Variants in MLC1 observed in about 807,000 individuals in gnomAD.
MLC1 encodes the protein modulator of VRAC current 1.
Under a neutral mutation model 44.7 loss-of-function variants are expected in MLC1, and 32 were observed. The ratio of observed to expected loss-of-function variants is 0.72; its 90% CI spans 0.54 to 0.96. MLC1 has a LOEUF of 0.96. Ranked by LOEUF, MLC1 falls within the 40% of genes least tolerant of loss-of-function variation. The probability of loss-of-function intolerance (pLI) is 0.00; values close to 1 mark genes in which losing one functional copy is unlikely to be tolerated. For synonymous variants in MLC1, 190 were observed against 213.0 expected (o/e 0.89, Z 0.94); for missense variants, 459 against 492.2 (o/e 0.93, Z 0.64).
At chr22:50,079,897 G>C (rs372353768) in intron 5 of MLC1, 21 bp downstream of exon 5, 1 of 1,560,854 alleles carries the variant, frequency 6.4e-7, no homozygotes, top group Non-Finnish European at 8.8e-7. Context: ...AGGCGTCTGC[G>C]CGAAGCTCGT....
At chr22:50,073,752 A>T (rs1341136873) in intron 8 of MLC1, among the ~76,000 whole-genome samples, 1 of 152,142 alleles carries the variant, frequency 6.6e-6, no homozygotes, top group African/African-American at 2.4e-5. Context: ...ATAAATAAAT[A>T]AAATAAATAA....
At chr22:50,074,384 A>G (rs1263294931) in intron 7 of MLC1, 52 bp from the exon 8 acceptor site, 4 of 1,442,316 alleles carry the variant, frequency 2.8e-6, no homozygotes, top group South Asian at 1.1e-5. Flanking sequence ...ACACCCCCAG[A>G]TTCCCAGAAT....
At chr22:50,062,280 CCCAGCCGTCCAT>C in intron 11 of MLC1, among the ~76,000 whole-genome samples, 1 of 141,006 alleles carries the variant, frequency 7.1e-6, no homozygotes, top group Non-Finnish European at 1.6e-5. Flanking sequence ...CACCTTGAGC[CCCAGCCGTCCAT>C]CCTGAGCCCC....
intron 10 of MLC1, among the ~76,000 whole-genome samples, chr22:50,065,212 C>G (rs58697581): frequency 0.062 from 9,420 of 152,210 alleles, 975 homozygotes; most frequent in African/African-American, 0.21. Context: ...TGCCACTACG[C>G]CCGGCCTGGA....
In MLC1 at chr22:50,061,600, C is replaced by G; in HGVS notation, c.1117G>C (p.Val373Leu). Residue 373 changes from valine to leucine, a missense_variant, in exon 12 of 12, where the codon GTG becomes CTG. Val to Leu is a conservative substitution (Grantham distance 32). Coordinates refer to ENST00000311597, the MANE Select transcript of MLC1 (RefSeq NM_015166.4). ...DKEKAWRAVV[V>L]QMAQ ...TCTGGGGGTCACTGGGCCATTTGCA[C>G]CACGACGGCTCTCCAGGCTTTCTCC... is the stretch of plus-strand genomic sequence containing the variant. 6.2e-7 allele frequency: 1 copy of G among 1,613,848 alleles called. No individual in the cohort carries two copies. Among genetic ancestry groups the G allele is most frequent in the Non-Finnish European group, 8.5e-7 (1 of 1,180,002 alleles).
At chr22:50,080,996 A>C (rs2062108194) in intron 3 of MLC1, among the ~76,000 whole-genome samples, 1 of 151,174 alleles carries the variant, frequency 6.6e-6, no homozygotes, top group South Asian at 2.1e-4. Context: ...ATAGAGTGAG[A>C]CCTTGTCTCA....
intron 6 of MLC1, 117 bp from the exon 7 acceptor site, chr22:50,077,029 CGCCT>C: frequency 9.7e-7 from 1 of 1,031,404 alleles, no homozygotes; most frequent in South Asian, 1.3e-5. Flanking sequence ...GATGCGAGAC[CGCCT>C]TGGAGGCGCC....
At chr22:50,065,464 C>T (rs1435635970) in intron 10 of MLC1, among the ~76,000 whole-genome samples, 1 of 151,990 alleles carries the variant, frequency 6.6e-6, no homozygotes, top group Non-Finnish European at 1.5e-5. Flanking sequence ...ACAAGCAGAA[C>T]AAGAAATAGC....
At chr22:50,069,583 T>C (rs897422444) in intron 9 of MLC1, among the ~76,000 whole-genome samples, 1 of 151,280 alleles carries the variant, frequency 6.6e-6, no homozygotes, top group Non-Finnish European at 1.5e-5. Context: ...GAGGCAGAGG[T>C]TACAATGAGC....
chr22:50,074,607 C>CCTGA, intron 7 of MLC1: 1 of 458,934 alleles, frequency 2.2e-6, no homozygotes, highest in East Asian at 4.3e-5. Flanking sequence ...AGGGTATTGA[C>CCTGA]CTGACAGTGG....
intron 11 of MLC1, 103 bp from the exon 12 acceptor site, chr22:50,061,760 A>G: frequency 9.2e-7 from 1 of 1,091,528 alleles, no homozygotes; most frequent in Non-Finnish European, 1.4e-6. Context: ...AGCGTTCAGA[A>G]GTTTTCTTCG....
rs1002338403 is a variant in MLC1, at chr22:50,076,984, G to A, written c.526-72C>T. On this transcript the variant is annotated intron_variant, in intron 6 of 11. Transcript: ENST00000311597. Reference sequence around the variant, plus strand: ...TCAGCACTGCCGCTGGCATCCGGCCGCCGTGGGCAGTGGGTCAGGTCAGCC... The same window carrying A: ...TCAGCACTGCCGCTGGCATCCGGCCACCGTGGGCAGTGGGTCAGGTCAGCC... 4.8e-5 allele frequency: 74 copies of A among 1,550,852 alleles called. 1 individual carries two copies. The Middle Eastern group carries it at 1.2e-3, about 26-fold the overall frequency.
chr22:50,068,400 G>A, intron 10 of MLC1, 33 bp downstream of exon 10: 1 of 1,610,394 alleles, frequency 6.2e-7, no homozygotes, highest in Non-Finnish European at 8.5e-7. Context: ...AGCACCACAT[G>A]TCTGGGGGGC....
At chr22:50,077,767 C>G (rs2062020346) in intron 5 of MLC1, among the ~76,000 whole-genome samples, 1 of 152,210 alleles carries the variant, frequency 6.6e-6, no homozygotes, top group Non-Finnish European at 1.5e-5. Flanking sequence ...GCCTTGGGCT[C>G]TGGTCTACCG....
At chr22:50,069,892 T>C (rs569028267) in intron 9 of MLC1, among the ~76,000 whole-genome samples, 188 of 151,886 alleles carry the variant, frequency 1.2e-3, no homozygotes, top group Non-Finnish European at 2.2e-3. Flanking sequence ...ACCAGTTCAA[T>C]TGTTTGCGGT....
chr22:50,081,539 G>T (rs1417835236), intron 3 of MLC1, among the ~76,000 whole-genome samples: 2 of 152,252 alleles, frequency 1.3e-5, no homozygotes, highest in Admixed American at 6.5e-5. Context: ...ACAGGGAGGT[G>T]GATGGAGTCG....
chr22:50,083,393 G>A lies in MLC1; in HGVS notation c.178-220C>T, dbSNP rs1417926495. On this transcript the variant is annotated intron_variant, in intron 2 of 11. Coordinates refer to ENST00000311597, the MANE Select transcript of MLC1 (RefSeq NM_015166.4). The surrounding 1 kb of genome is among the most constrained non-coding windows in gnomAD (Gnocchi z 4.6). Reference sequence around the variant, plus strand: ...ACATGGACCAGCCTCCCCCAGCCATGTCGGAGCATGGACCCCCCACGCTGT... The same window carrying A: ...ACATGGACCAGCCTCCCCCAGCCATATCGGAGCATGGACCCCCCACGCTGT... Among the ~76,000 whole-genome samples the A allele has an allele frequency of 6.6e-6, 1 of 152,112 alleles. No homozygotes were observed. Among genetic ancestry groups the A allele is most frequent in the Non-Finnish European group, 1.5e-5 (1 of 68,028 alleles).
intron 3 of MLC1, 104 bp downstream of exon 3, chr22:50,082,980 G>T: frequency 8.5e-7 from 1 of 1,179,630 alleles, no homozygotes; most frequent in Non-Finnish European, 1.3e-6. Flanking sequence ...GAAGAGGTTT[G>T]AATGAGGTAC....
intron 10 of MLC1, among the ~76,000 whole-genome samples, chr22:50,064,482 T>A (rs956882846): frequency 6.6e-6 from 1 of 152,148 alleles, no homozygotes; most frequent in African/African-American, 2.4e-5. Context: ...CTGCTAGTGG[T>A]CAAGTCGCTC....
Sources: allele counts gnomAD v4.1 joint callset (sites outside exome capture counted in the v4.1 genomes callset), GRCh38; gene constraint gnomAD v4.1.1; non-coding constraint Gnocchi (gnomAD v3.1); transcripts MANE v1.5; gene names NCBI Gene and HGNC (gene_info 2026-07-23, HGNC 2026-07-21).